Variants in KIAA1671 observed in about 807,000 individuals in gnomAD.
KIAA1671 encodes the protein KIAA1671.
A neutral mutation model predicts 131.2 loss-of-function variants in KIAA1671; 52 were observed. The observed-to-expected ratio is 0.40, with a 90% CI of 0.32 to 0.50. The LOEUF is 0.50. KIAA1671 is among the 20% of genes least tolerant of loss of function. The pLI is 0.73. For synonymous variants in KIAA1671, 1,003 were observed against 961.6 expected, an observed-to-expected ratio of 1.04 and a Z score of -0.80; for missense variants, 2,360 against 2,364.2, an observed-to-expected ratio of 1.00 and a Z score of 0.04.
intron 1 of KIAA1671, among the ~76,000 whole-genome samples, chr22:24,963,146 C>A (rs1922100506): frequency 6.6e-6 from 1 of 151,730 alleles, no homozygotes; most frequent in Non-Finnish European, 1.5e-5. Context: ...GGCGGATCAC[C>A]TGAGGTCAGG....
intron 6 of KIAA1671, among the ~76,000 whole-genome samples, chr22:25,089,035 C>T (rs1459709043): frequency 5.3e-5 from 8 of 152,144 alleles, no homozygotes; most frequent in Admixed American, 3.3e-4. Flanking sequence ...CTTTTCTTGG[C>T]ATTATTCCCT....
At chr22:25,103,571 G>A (rs1930825263) in intron 6 of KIAA1671, among the ~76,000 whole-genome samples, 1 of 151,896 alleles carries the variant, frequency 6.6e-6, no homozygotes, top group Non-Finnish European at 1.5e-5. Context: ...TGTTAGCCAG[G>A]ATAGTCTCTA....
chr22:25,139,038 C>A (rs999925321), intron 6 of KIAA1671, among the ~76,000 whole-genome samples: 2 of 152,222 alleles, frequency 1.3e-5, no homozygotes, highest in African/African-American at 4.8e-5. Context: ...TGCACACCAC[C>A]CCCAGACCCC....
chr22:25,176,706 G>A (rs575206828), intron 8 of KIAA1671: 2 of 152,176 alleles, frequency 1.3e-5, no homozygotes, highest in African/African-American at 4.8e-5. Flanking sequence ...TCCTTACTGG[G>A]GCCCACCCAG....
At chr22:25,149,924 C>T (rs1259408463) in intron 6 of KIAA1671, among the ~76,000 whole-genome samples, 1 of 152,190 alleles carries the variant, frequency 6.6e-6, no homozygotes, top group African/African-American at 2.4e-5. Flanking sequence ...CTTCCCTGAC[C>T]CCCTCCCCAT....
chr22:25,050,785 C>T (rs1927492647), intron 6 of KIAA1671: 1 of 152,266 alleles, frequency 6.6e-6, no homozygotes. Flanking sequence ...AAGATTCACA[C>T]ACATTTGAAA....
intron 1 of KIAA1671, among the ~76,000 whole-genome samples, chr22:24,971,227 A>G (rs1326087080): frequency 6.6e-6 from 1 of 152,160 alleles, no homozygotes; most frequent in African/African-American, 2.4e-5. Flanking sequence ...AAGTGCTGGG[A>G]TTACAGGTGT....
Position 25,040,056 on chromosome 22 carries a change from C to A in KIAA1671, c.2926C>A (p.Arg976=). The A allele has an allele frequency of 6.4e-7, 1 of 1,551,686 alleles. No individual in the cohort carries two copies. Among genetic ancestry groups the A allele is most frequent in the Non-Finnish European group, 8.7e-7 (1 of 1,146,992 alleles). The change falls in exon 5 of 13, where the codon CGA becomes AGA. Residue 976 remains arginine, a synonymous_variant. Transcript: ENST00000358431. ...GGACTCTCCACATGTGGGGCACAGA[C>A]GAACAGATTATGTGAGCCCCACAGC... is the stretch of plus-strand genomic sequence containing the variant. ...PEDSPHVGHR[R]TDYVSPTASA...
At chr22:25,121,950 C>T (rs1408799311) in intron 6 of KIAA1671, among the ~76,000 whole-genome samples, 2 of 152,146 alleles carry the variant, frequency 1.3e-5, no homozygotes, top group African/African-American at 2.4e-5. Context: ...CTCCAGTATA[C>T]GCAGCTGGTT....
At chr22:24,986,912 G>A (rs941611154) in intron 1 of KIAA1671, among the ~76,000 whole-genome samples, 7 of 151,772 alleles carry the variant, frequency 4.6e-5, no homozygotes, top group African/African-American at 4.8e-5. Context: ...AGCAGGGGTC[G>A]GCCAGCTTCT....
intron 6 of KIAA1671, among the ~76,000 whole-genome samples, chr22:25,093,519 A>AG (rs1930122594): frequency 6.6e-6 from 1 of 152,132 alleles, no homozygotes; most frequent in Non-Finnish European, 1.5e-5. Context: ...ATTACTGCAC[A>AG]GTGTGTTCAA....
chr22:25,113,284 C>T (rs1601326647), intron 6 of KIAA1671, among the ~76,000 whole-genome samples: 2 of 152,182 alleles, frequency 1.3e-5, no homozygotes, highest in African/African-American at 4.8e-5. Flanking sequence ...CAGCTCCCAG[C>T]AGATGTTCTC....
chr22:25,041,775 T>C (rs1442540752), intron 5 of KIAA1671, among the ~76,000 whole-genome samples: 1 of 152,186 alleles, frequency 6.6e-6, no homozygotes, highest in Non-Finnish European at 1.5e-5. Flanking sequence ...CAAAGAGTCT[T>C]GCTTAGTTGC....
chr22:25,173,627 A>T (rs1933923844), intron 7 of KIAA1671, among the ~76,000 whole-genome samples: 1 of 152,258 alleles, frequency 6.6e-6, no homozygotes, highest in South Asian at 2.1e-4. Flanking sequence ...TTATAAATAA[A>T]AAAGAATTAT....
chr22:25,004,369 T>C (rs1292676838), intron 1 of KIAA1671, among the ~76,000 whole-genome samples: 1 of 152,240 alleles, frequency 6.6e-6, no homozygotes, highest in African/African-American at 2.4e-5. Context: ...CTTGGCCTCC[T>C]GAAGCGCTGG....
At chr22:25,185,578 G>A (rs1011133048) in intron 11 of KIAA1671, 5 of 161,952 alleles carry the variant, frequency 3.1e-5, no homozygotes, top group Admixed American at 1.7e-4. Context: ...CAGCTATCCC[G>A]ATCCTGGGCT....
At chr22:24,962,361 T>C (rs1214635699) in intron 1 of KIAA1671, among the ~76,000 whole-genome samples, 1 of 152,136 alleles carries the variant, frequency 6.6e-6, no homozygotes, top group Non-Finnish European at 1.5e-5. Flanking sequence ...TGGCATGAGG[T>C]AGATGATAAC....
intron 1 of KIAA1671, among the ~76,000 whole-genome samples, chr22:24,996,157 G>A (rs545742898): frequency 4.3e-4 from 66 of 151,762 alleles, no homozygotes; most frequent in Non-Finnish European, 7.2e-4. Context: ...TTGGGGAAGC[G>A]ACCCCTGTGT....
At chr22:25,093,381 T>C (rs1301993607) in intron 6 of KIAA1671, among the ~76,000 whole-genome samples, 1 of 152,128 alleles carries the variant, frequency 6.6e-6, no homozygotes, top group African/African-American at 2.4e-5. Flanking sequence ...AAATAATGGA[T>C]GGCAACCCCT....
Sources: allele counts gnomAD v4.1 joint callset (sites outside exome capture counted in the v4.1 genomes callset), GRCh38; gene constraint gnomAD v4.1.1; transcripts MANE v1.5; gene names NCBI Gene and HGNC (gene_info 2026-07-23, HGNC 2026-07-21).